The following SLC39A11 variants were observed in gnomAD, a reference collection of about 807,000 sequenced individuals.
The protein encoded by SLC39A11 is zinc transporter ZIP11.
Under a neutral mutation model 36.1 loss-of-function variants are expected in SLC39A11, and 33 were observed. That is an observed-to-expected ratio of 0.91 (90% confidence interval 0.69 to 1.22). The LOEUF is 1.22. Ranked by LOEUF, SLC39A11 falls within the 50% of genes most tolerant of loss-of-function variation. SLC39A11 has a pLI of 0.00. For missense variants in SLC39A11, 432 were observed against 430.3 expected (o/e 1.00, Z -0.03); for synonymous variants, 166 against 170.3 (o/e 0.97, Z 0.20).
At chr17:72,839,374 C>T (rs142301660) in intron 6 of SLC39A11, 3 of 152,270 alleles carry the variant, frequency 2.0e-5, no homozygotes, top group African/African-American at 7.2e-5. Flanking sequence ...CCTGGATAAT[C>T]TGGGTGGTCC....
At chr17:72,889,567 T>G (rs1267778846) in intron 5 of SLC39A11, among the ~76,000 whole-genome samples, 1 of 151,262 alleles carries the variant, frequency 6.6e-6, no homozygotes, top group Non-Finnish European at 1.5e-5. Context: ...AAATAACAAA[T>G]ACTGCTTTTA....
At chr17:73,050,551 C>G (rs2059461823) in intron 3 of SLC39A11, among the ~76,000 whole-genome samples, 1 of 151,180 alleles carries the variant, frequency 6.6e-6, no homozygotes, top group African/African-American at 2.4e-5. Context: ...GCAACCTCTG[C>G]CTCCCGAGTT....
At chr17:72,763,876 C>T (rs997186667) in intron 6 of SLC39A11, among the ~76,000 whole-genome samples, 9 of 152,172 alleles carry the variant, frequency 5.9e-5, no homozygotes, top group African/African-American at 1.7e-4. Context: ...ATGAAGCTAA[C>T]GGTCAGTGCC....
At chr17:73,042,334 G>A (rs1286518489) in intron 3 of SLC39A11, among the ~76,000 whole-genome samples, 2 of 152,174 alleles carry the variant, frequency 1.3e-5, no homozygotes, top group Non-Finnish European at 2.9e-5. Flanking sequence ...AAGGTACACA[G>A]AGGTAGGACA....
At chr17:72,653,115 T>C (rs1392911268) in intron 7 of SLC39A11, among the ~76,000 whole-genome samples, 2 of 151,214 alleles carry the variant, frequency 1.3e-5, no homozygotes, top group Admixed American at 6.6e-5. Context: ...TTTTTCTTTT[T>C]TTTTTTTGAG....
chr17:72,791,808 C>T (rs1728055648), intron 6 of SLC39A11, among the ~76,000 whole-genome samples: 1 of 152,186 alleles, frequency 6.6e-6, no homozygotes, highest in Admixed American at 6.5e-5. Context: ...TTGCTCGGCA[C>T]TTCTCTCTCC....
chr17:73,045,432 C>A (rs1422418127), intron 3 of SLC39A11, among the ~76,000 whole-genome samples: 2 of 138,626 alleles, frequency 1.4e-5, no homozygotes, highest in African/African-American at 5.2e-5. Context: ...CCCAGTCCTG[C>A]TCCAAAACTA....
At chr17:73,048,048 A>G (rs988768092) in intron 3 of SLC39A11, among the ~76,000 whole-genome samples, 6 of 136,652 alleles carry the variant, frequency 4.4e-5, no homozygotes, top group Non-Finnish European at 7.7e-5. Flanking sequence ...ACCCTGTGCC[A>G]ACCTTTACAT....
At chr17:72,804,037 T>C (rs1369663660) in intron 6 of SLC39A11, among the ~76,000 whole-genome samples, 3 of 152,022 alleles carry the variant, frequency 2.0e-5, no homozygotes, top group Non-Finnish European at 4.4e-5. Context: ...GCTCTGTCGC[T>C]CAGGCTGGAG....
intron 5 of SLC39A11, among the ~76,000 whole-genome samples, chr17:72,895,414 A>G (rs1172325385): frequency 2.0e-5 from 3 of 152,184 alleles, no homozygotes. Flanking sequence ...CCTCATCTCT[A>G]CTAAAAACAC....
intron 5 of SLC39A11, among the ~76,000 whole-genome samples, chr17:72,940,382 T>A (rs2085032092): frequency 6.6e-6 from 1 of 152,128 alleles, no homozygotes; most frequent in Non-Finnish European, 1.5e-5. Context: ...TTCAAGTGAT[T>A]CTCCTGCCTT....
chr17:72,963,026 G>A (rs1374991342), intron 4 of SLC39A11, among the ~76,000 whole-genome samples: 1 of 152,056 alleles, frequency 6.6e-6, no homozygotes, highest in Non-Finnish European at 1.5e-5. Flanking sequence ...ACTATGCCAG[G>A]CCCACCCAGG....
At chr17:72,734,610 G>A (rs747537415) in intron 7 of SLC39A11, among the ~76,000 whole-genome samples, 13 of 152,212 alleles carry the variant, frequency 8.5e-5, no homozygotes, top group Non-Finnish European at 1.3e-4. Context: ...GAGGAGCTGA[G>A]TTGGAAATAT....
At chr17:72,855,805 G>A (rs1479020547) in intron 5 of SLC39A11, among the ~76,000 whole-genome samples, 2 of 152,004 alleles carry the variant, frequency 1.3e-5, no homozygotes, top group African/African-American at 4.8e-5. Flanking sequence ...GCTGAGGCAG[G>A]AGAATGGCGT....
chr17:73,026,395 A>C (rs548646603), intron 4 of SLC39A11, among the ~76,000 whole-genome samples: 1 of 151,878 alleles, frequency 6.6e-6, no homozygotes, highest in African/African-American at 2.4e-5. Context: ...CATGCCTGTA[A>C]TCCCAGATAG....
chr17:72,855,240 CT>C (rs2079576341), intron 5 of SLC39A11, among the ~76,000 whole-genome samples: 2 of 152,188 alleles, frequency 1.3e-5, no homozygotes, highest in Admixed American at 6.5e-5. Flanking sequence ...CCAAGTTAAC[CT>C]CCGTTTTCAT....
chr17:72,719,525 C>T (rs191855626), intron 7 of SLC39A11, among the ~76,000 whole-genome samples: 97 of 152,348 alleles, frequency 6.4e-4, no homozygotes, highest in African/African-American at 2.3e-3. Context: ...GCCTGACCTT[C>T]CTCAGCAGGC....
chr17:72,743,720 A>G (rs2074814063), intron 6 of SLC39A11, among the ~76,000 whole-genome samples: 1 of 152,182 alleles, frequency 6.6e-6, no homozygotes, highest in Non-Finnish European at 1.5e-5. Flanking sequence ...GACACTGAAG[A>G]TCAACAGACG....
rs1055057992 is a variant in SLC39A11, at chr17:73,036,683, G to A, written c.148-4969C>T. Among the ~76,000 whole-genome samples the A allele has an allele frequency of 3.3e-5, 5 of 152,092 alleles. No homozygotes were observed. In the East Asian group the frequency reaches 7.7e-4, roughly 23 times the overall value. On this transcript the variant is annotated intron_variant, in intron 3 of 9. Coordinates refer to ENST00000255559, the MANE Select transcript of SLC39A11 (RefSeq NM_139177.4). ...GCTGGTCTCGAACTCCCGACCTTAG[G>A]TGACCCACCTGCCTCGGCCTCCCAA...
Sources: allele counts gnomAD v4.1 joint callset (sites outside exome capture counted in the v4.1 genomes callset), GRCh38; gene constraint gnomAD v4.1.1; transcripts MANE v1.5; gene names NCBI Gene and HGNC (gene_info 2026-07-23, HGNC 2026-07-21).